TAF2: variants seen among roughly 807,000 people sequenced by gnomAD.
TAF2 encodes the protein transcription initiation factor TFIID subunit 2.
A neutral mutation model predicts 138.5 loss-of-function variants in TAF2; 61 were observed. The ratio of observed to expected loss-of-function variants is 0.44; its 90% CI spans 0.36 to 0.54. TAF2 has a LOEUF of 0.54. TAF2 is among the 20% of genes least tolerant of loss of function. The pLI, the probability that TAF2 is intolerant of heterozygous loss-of-function variation, is 0.00. For missense variants in TAF2, 1,090 were observed against 1,427.9 expected, an observed-to-expected ratio of 0.76 and a Z score of 3.81; for synonymous variants, 475 against 469.9, an observed-to-expected ratio of 1.01 and a Z score of -0.14.
chr8:119,779,421 A>G (rs1173441043), intron 17 of TAF2, among the ~76,000 whole-genome samples: 1 of 152,186 alleles, frequency 6.6e-6, no homozygotes, highest in Non-Finnish European at 1.5e-5. Context: ...CTAATGGTTC[A>G]TAACTCCAAT....
In TAF2 at chr8:119,819,344, A is replaced by G; in HGVS notation, c.299+2T>C. 1 of 1,612,562 alleles carries G rather than the reference A, an allele frequency of 6.2e-7. No homozygotes were observed. The highest frequency in any genetic ancestry group is 1.7e-5 in the Admixed American group (1 of 60,016). Reference sequence around the variant, plus strand: ...TAGTGACTTTTAAAGTGCATAACTTACTGTTTTGATTCACTGTGACAAACT... The same window carrying G: ...TAGTGACTTTTAAAGTGCATAACTTGCTGTTTTGATTCACTGTGACAAACT... On this transcript the variant is annotated splice_donor_variant, in intron 3 of 25. Transcript: ENST00000378164. LOFTEE classifies it high-confidence loss of function.
chr8:119,828,895 A>G (rs1731692788), intron 2 of TAF2, among the ~76,000 whole-genome samples: 1 of 152,144 alleles, frequency 6.6e-6, no homozygotes, highest in Non-Finnish European at 1.5e-5. Flanking sequence ...TGTCTCAGCT[A>G]CTCGCCTCTG....
At chr8:119,801,697 G>C (rs1254291779) in intron 6 of TAF2, 97 bp downstream of exon 6, 1 of 1,207,622 alleles carries the variant, frequency 8.3e-7, no homozygotes, top group African/African-American at 1.5e-5. Flanking sequence ...CAAAGTGCTG[G>C]GATTACAGGC....
At chr8:119,748,653 C>A (rs1232425890) in intron 22 of TAF2, among the ~76,000 whole-genome samples, 2 of 152,230 alleles carry the variant, frequency 1.3e-5, no homozygotes, top group East Asian at 3.9e-4. Context: ...GTGGACACTT[C>A]AATAGCTTGA....
At chr8:119,751,528 G>C (rs892725077) in intron 22 of TAF2, among the ~76,000 whole-genome samples, 1 of 152,146 alleles carries the variant, frequency 6.6e-6, no homozygotes, top group Admixed American at 6.5e-5. Flanking sequence ...ATTCCAGACA[G>C]GGTTCATGAC....
rs147085106 is a variant in TAF2 at position 119,816,759 on chromosome 8, G to A, written c.299+2587C>T. 3.5e-3 allele frequency among the ~76,000 whole-genome samples: 525 copies of A among 152,118 alleles called. 2 individuals are homozygous for A. Among genetic ancestry groups the A allele is most frequent in the Middle Eastern group, 0.024 (7 of 294 alleles). On this transcript the variant is annotated intron_variant, in intron 3 of 25. Transcript: ENST00000378164. Reference sequence around the variant, plus strand: ...TTGGTGTGTTTTTGTCATGTCTTATGAATCTTAAAAACCCTCTTTGCTATG... The same window carrying A: ...TTGGTGTGTTTTTGTCATGTCTTATAAATCTTAAAAACCCTCTTTGCTATG...
chr8:119,819,965 C>A (rs866441930), intron 2 of TAF2, among the ~76,000 whole-genome samples: 1 of 152,092 alleles, frequency 6.6e-6, no homozygotes, highest in Non-Finnish European at 1.5e-5. Context: ...TAAATTAGGA[C>A]AGGTAAAACA....
At chr8:119,804,931 T>TC (rs1394790340) in intron 4 of TAF2, among the ~76,000 whole-genome samples, 9 of 152,096 alleles carry the variant, frequency 5.9e-5, no homozygotes, top group Non-Finnish European at 7.4e-5. Context: ...TTAATTTCCC[T>TC]CCAAGAATTA....
At chr8:119,769,537 A>C (rs566039725) in intron 18 of TAF2, among the ~76,000 whole-genome samples, 5 of 152,244 alleles carry the variant, frequency 3.3e-5, no homozygotes, top group African/African-American at 1.2e-4. Context: ...AAGAGACACA[A>C]GAGAAAGTTG....
At chr8:119,751,410 G>A (rs1298618315) in intron 22 of TAF2, among the ~76,000 whole-genome samples, 1 of 151,998 alleles carries the variant, frequency 6.6e-6, no homozygotes, top group Non-Finnish European at 1.5e-5. Flanking sequence ...AGAACATAAG[G>A]CTTTTATATA....
Position 119,795,492 on chromosome 8 carries a change from A to G in TAF2, c.1191+40T>C, listed in dbSNP as rs370009807. On this transcript the variant is annotated intron_variant, in intron 9 of 25. Coordinates refer to ENST00000378164, the MANE Select transcript of TAF2 (RefSeq NM_003184.4). ...TTTACAGTCATTAAAAATGGAGGAC[A>G]TAAGACTTGTAAGTGGATAAGGGAT... The G allele has an allele frequency of 3.1e-5, 47 of 1,519,306 alleles. No homozygotes were observed. In the Middle Eastern group the frequency reaches 8.5e-4, roughly 27 times the overall value. The allele number at this position is 1,519,306 out of a possible 1,614,324, so 94.1% of individuals were successfully genotyped here. A position where few individuals can be genotyped will look rare whatever the true frequency, so the allele number is the denominator to read the frequency against.
chr8:119,739,484 G>A (rs1318351333), intron 25 of TAF2, among the ~76,000 whole-genome samples: 3 of 151,938 alleles, frequency 2.0e-5, no homozygotes, highest in Non-Finnish European at 4.4e-5. Flanking sequence ...ACTATCAAAT[G>A]CAAGGAAAGG....
Position 119,778,196 on chromosome 8 carries a change from A to C in TAF2, c.2254-67T>G, listed in dbSNP as rs552652653. 1.7e-4 allele frequency: 160 copies of C among 951,886 alleles called. 3 individuals are homozygous for C. In the South Asian group the frequency reaches 2.1e-3, roughly 13 times the overall value. The allele number at this position is 951,886 out of a possible 1,614,324, so 59.0% of individuals were successfully genotyped here. ...ACTTTTTGTTACTACAATTCATTGA[A>C]CTATAAATAGAAAAGGGTTACTCTT... On this transcript the variant is annotated intron_variant, in intron 17 of 25. Transcript: ENST00000378164.
intron 3 of TAF2, among the ~76,000 whole-genome samples, 183 bp from the exon 4 acceptor site, chr8:119,806,584 C>T (rs531095950): frequency 1.3e-5 from 2 of 151,674 alleles, no homozygotes; most frequent in Non-Finnish European, 2.9e-5. Flanking sequence ...TCTCATCCCT[C>T]AGCCTCCCGA....
At chr8:119,784,398 T>C (rs1248870730) in intron 15 of TAF2, among the ~76,000 whole-genome samples, 1 of 151,828 alleles carries the variant, frequency 6.6e-6, no homozygotes, top group Non-Finnish European at 1.5e-5. Flanking sequence ...CTACTAACAA[T>C]ACAAAAATTA....
chr8:119,759,219 G>T (rs1447562831), intron 20 of TAF2, among the ~76,000 whole-genome samples: 1 of 152,044 alleles, frequency 6.6e-6, no homozygotes, highest in Non-Finnish European at 1.5e-5. Context: ...AACAGGAAAG[G>T]ATATTTTAAC....
intron 22 of TAF2, among the ~76,000 whole-genome samples, chr8:119,755,719 G>A (rs1026347150): frequency 6.6e-6 from 1 of 151,992 alleles, no homozygotes; most frequent in African/African-American, 2.4e-5. Flanking sequence ...GTAACTTTCT[G>A]AAATAATAAT....
chr8:119,808,037 C>T (rs1397995252), intron 3 of TAF2, among the ~76,000 whole-genome samples: 1 of 152,202 alleles, frequency 6.6e-6, no homozygotes, highest in Admixed American at 6.5e-5. Flanking sequence ...AGACTCTTAA[C>T]TTGACAGAGG....
chr8:119,730,903 A>G lies in TAF2; in HGVS notation c.*1021T>C, dbSNP rs990227482. 2 of 152,228 alleles carry G rather than the reference A, an allele frequency of 1.3e-5. No homozygotes were observed. Among genetic ancestry groups the G allele is most frequent in the Non-Finnish European group, 2.9e-5 (2 of 68,038 alleles). The allele number at this position is 152,228 out of a possible 1,614,324, so 9.4% of individuals were successfully genotyped here. ...TGATAAAAATTGAACAGATATAAAA[A>G]ATATTCTTAAACAAATATTAAAGCA... On this transcript the variant is annotated 3_prime_UTR_variant, in exon 26 of 26. Coordinates refer to ENST00000378164, the MANE Select transcript of TAF2 (RefSeq NM_003184.4).
Sources: allele counts gnomAD v4.1 joint callset (sites outside exome capture counted in the v4.1 genomes callset), GRCh38; gene constraint gnomAD v4.1.1; transcripts MANE v1.5; gene names NCBI Gene and HGNC (gene_info 2026-07-23, HGNC 2026-07-21).